Variants in PPM1L observed in about 807,000 individuals in gnomAD.
PPM1L encodes the protein protein phosphatase, Mg2+/Mn2+ dependent 1L, also known as protein phosphatase 1L.
Under a neutral mutation model 31.4 loss-of-function variants are expected in PPM1L, and 13 were observed. The observed-to-expected ratio is 0.41, with a 90% CI of 0.27 to 0.66. The LOEUF is 0.66. Ranked by LOEUF, PPM1L falls within the 30% of genes least tolerant of loss-of-function variation. The pLI, the probability that PPM1L is intolerant of heterozygous loss-of-function variation, is 0.29. For synonymous variants in PPM1L, 184 were observed against 175.4 expected (o/e 1.05, Z -0.39); for missense variants, 326 against 453.7 (o/e 0.72, Z 2.56).
intron 1 of PPM1L, among the ~76,000 whole-genome samples, chr3:160,948,048 A>G (rs1715464330): frequency 6.6e-6 from 1 of 152,162 alleles, no homozygotes. Context: ...ATAACCATTT[A>G]TCTCTAGCAC....
chr3:160,885,308 A>G (rs900927224), intron 1 of PPM1L, among the ~76,000 whole-genome samples: 4 of 152,360 alleles, frequency 2.6e-5, no homozygotes, highest in African/African-American at 7.2e-5. Context: ...GGCAAAGGTT[A>G]TAGATCACCC....
chr3:160,918,954 C>T (rs1033114657), intron 1 of PPM1L, among the ~76,000 whole-genome samples: 1 of 152,022 alleles, frequency 6.6e-6, no homozygotes, highest in Non-Finnish European at 1.5e-5. Context: ...ATGATACATA[C>T]AAATGAAGGA....
rs145744522 is a variant in PPM1L, at chr3:160,837,456, G to A, written c.399+80749G>A. 1.0e-2 allele frequency among the ~76,000 whole-genome samples: 1,521 copies of A among 152,316 alleles called. 32 individuals are homozygous for A. Among genetic ancestry groups the A allele is most frequent in the Admixed American group, 0.051 (779 of 15,298 alleles). ...ACTGTTATTGTCAAGATAAAGTTGT[G>A]CATGTAGAGAAGGAAGTCTAACAAA... On this transcript the variant is annotated intron_variant, in intron 1 of 3. Transcript: ENST00000498165.
At chr3:161,005,534 T>G (rs1454739883) in intron 2 of PPM1L, among the ~76,000 whole-genome samples, 1 of 152,174 alleles carries the variant, frequency 6.6e-6, no homozygotes, top group African/African-American at 2.4e-5. Flanking sequence ...AGCATAATGA[T>G]TAAATACAGA....
At chr3:160,796,785 G>C (rs6768524) in intron 1 of PPM1L, among the ~76,000 whole-genome samples, 2 of 152,102 alleles carry the variant, frequency 1.3e-5, no homozygotes, top group Admixed American at 6.5e-5. Flanking sequence ...TAGGGTAAGA[G>C]TATGGAATAA....
At chr3:160,813,027 CT>C (rs1712856273) in intron 1 of PPM1L, among the ~76,000 whole-genome samples, 1 of 152,094 alleles carries the variant, frequency 6.6e-6, no homozygotes, top group African/African-American at 2.4e-5. Context: ...CTCTTTGGTA[CT>C]TTTTTGTTGT....
intron 1 of PPM1L, among the ~76,000 whole-genome samples, chr3:160,854,053 C>G (rs1272951114): frequency 6.6e-6 from 1 of 152,204 alleles, no homozygotes; most frequent in East Asian, 1.9e-4. Flanking sequence ...GTTTACTGGA[C>G]TTTCAGGTGT....
At chr3:160,774,386 C>A (rs1041273294) in intron 1 of PPM1L, among the ~76,000 whole-genome samples, 1 of 152,138 alleles carries the variant, frequency 6.6e-6, no homozygotes, top group Non-Finnish European at 1.5e-5. Flanking sequence ...ACAGTGGCCT[C>A]CTCATGGTCA....
chr3:160,958,979 A>T lies in PPM1L; in HGVS notation c.400-2757A>T, dbSNP rs549494961. ...CCCAAAGGAAAATAAGTTATTATAT[A>T]AAAAAGACACGTGCATGTGCATGTG... On this transcript the variant is annotated intron_variant, in intron 1 of 3. Coordinates refer to ENST00000498165, the MANE Select transcript of PPM1L (RefSeq NM_139245.4). 3.1e-4 allele frequency among the ~76,000 whole-genome samples: 47 copies of T among 152,330 alleles called. 1 individual carries two copies. The South Asian group carries it at 8.3e-3, about 27-fold the overall frequency.
intron 1 of PPM1L, among the ~76,000 whole-genome samples, chr3:160,774,818 T>G (rs1711527417): frequency 2.0e-5 from 3 of 152,222 alleles, no homozygotes. Context: ...TGGTCTGTTA[T>G]AGGCAATCAA....
chr3:161,051,116 G>A (rs950245422), intron 2 of PPM1L, among the ~76,000 whole-genome samples: 1 of 151,936 alleles, frequency 6.6e-6, no homozygotes, highest in African/African-American at 2.4e-5. Context: ...TCCACCACCC[G>A]CCATCTCCTC....
At chr3:160,860,885 A>T (rs1476278397) in intron 1 of PPM1L, among the ~76,000 whole-genome samples, 1 of 152,124 alleles carries the variant, frequency 6.6e-6, no homozygotes, top group Non-Finnish European at 1.5e-5. Flanking sequence ...CCCATTCATG[A>T]GGGTTTCATC....
At chr3:160,938,088 T>C (rs1715039924) in intron 1 of PPM1L, among the ~76,000 whole-genome samples, 1 of 152,224 alleles carries the variant, frequency 6.6e-6, no homozygotes, top group South Asian at 2.1e-4. Flanking sequence ...CACCACACTC[T>C]TATAATGTTG....
chr3:161,062,140 G>C (rs898100371), intron 2 of PPM1L, among the ~76,000 whole-genome samples: 3 of 144,624 alleles, frequency 2.1e-5, no homozygotes, highest in Non-Finnish European at 4.6e-5. Flanking sequence ...CTTTTAGTGG[G>C]GGGGGAAAAA....
At chr3:160,914,458 G>C (rs1274630460) in intron 1 of PPM1L, among the ~76,000 whole-genome samples, 1 of 106,904 alleles carries the variant, frequency 9.4e-6, no homozygotes, top group African/African-American at 3.9e-5. Flanking sequence ...CCCCACAACA[G>C]GTCCCGGTGT....
chr3:160,949,799 C>A (rs200379807), intron 1 of PPM1L, among the ~76,000 whole-genome samples: 2 of 152,172 alleles, frequency 1.3e-5, no homozygotes, highest in East Asian at 3.8e-4. Flanking sequence ...GAGATCTGAA[C>A]ATAGTACATT....
intron 1 of PPM1L, among the ~76,000 whole-genome samples, chr3:160,878,948 A>C (rs1380651336): frequency 1.3e-5 from 2 of 152,218 alleles, no homozygotes; most frequent in African/African-American, 4.8e-5. Context: ...AGGAACCATG[A>C]CTAAGCTCCA....
intron 1 of PPM1L, among the ~76,000 whole-genome samples, chr3:160,941,518 C>T (rs537689223): frequency 8.5e-5 from 13 of 152,206 alleles, no homozygotes; most frequent in East Asian, 1.9e-4. Context: ...ATAAGTCTCA[C>T]GAGACCTGAT....
intron 2 of PPM1L, among the ~76,000 whole-genome samples, chr3:161,011,231 A>G (rs1466731008): frequency 6.6e-6 from 1 of 152,246 alleles, no homozygotes; most frequent in African/African-American, 2.4e-5. Flanking sequence ...AGCTTTCTAC[A>G]TATGGCAAGC....
Sources: allele counts gnomAD v4.1 joint callset (sites outside exome capture counted in the v4.1 genomes callset), GRCh38; gene constraint gnomAD v4.1.1; transcripts MANE v1.5; gene names NCBI Gene and HGNC (gene_info 2026-07-23, HGNC 2026-07-21).